Variants in COL3A1 observed in about 807,000 individuals in gnomAD.
COL3A1 encodes the protein collagen alpha-1(III) chain.
In COL3A1, 46 loss-of-function variants were observed where a neutral mutation model predicts 200.9. The ratio of observed to expected loss-of-function variants is 0.23; its 90% CI spans 0.18 to 0.29. The LOEUF (loss-of-function observed/expected upper bound fraction) is 0.29. Among genes scored for constraint, COL3A1 ranks in the 10% least tolerant of loss-of-function variants. COL3A1 has a pLI of 1.00. For missense variants in COL3A1, 1,367 were observed against 1,917.6 expected (o/e 0.71, Z 5.36); for synonymous variants, 650 against 628.0 (o/e 1.03, Z -0.52).
intron 27 of COL3A1, 58 bp downstream of exon 27, chr2:188,997,811 C>A (rs1053574177): frequency 3.5e-6 from 5 of 1,433,786 alleles, no homozygotes; most frequent in Non-Finnish European, 4.9e-6. Flanking sequence ...TTTTTGTGTC[C>A]CTAATAGATT....
chr2:188,985,497 A>G (rs1365483495), intron 3 of COL3A1, among the ~76,000 whole-genome samples, 168 bp from the exon 4 acceptor site: 1 of 152,034 alleles, frequency 6.6e-6, no homozygotes, highest in Non-Finnish European at 1.5e-5. Flanking sequence ...AAAGGAATAC[A>G]TTATACTTAA....
chr2:189,010,584 A>G, intron 49 of COL3A1, 64 bp from the exon 50 acceptor site: 3 of 1,605,824 alleles, frequency 1.9e-6, no homozygotes, highest in Non-Finnish European at 2.6e-6. Flanking sequence ...CACATACTAC[A>G]TGAATCCCTC....
rs1687762855 is a variant in COL3A1 at position 188,974,433 on chromosome 2, T to G, written c.-57T>G. 1 of 1,389,146 alleles carries G rather than the reference T, an allele frequency of 7.2e-7. No individual in the cohort carries two copies. The highest frequency in any genetic ancestry group is 2.3e-5 in the East Asian group (1 of 43,708). The allele number at this position is 1,389,146 out of a possible 1,614,324, so 86.1% of individuals were successfully genotyped here. A position where few individuals can be genotyped will look rare whatever the true frequency, so the allele number is the denominator to read the frequency against. The stretch of plus-strand genomic sequence containing the variant: ...AGGGAACAACTTGATGGTGCTACTT[T>G]GAACTGCTTTTCTTTTCTCCTTTTT... On this transcript the variant is annotated 5_prime_UTR_variant, in exon 1 of 51. An upstream open reading frame in the 5' UTR loses its in-frame stop. Coordinates refer to ENST00000304636, the MANE Select transcript of COL3A1 (RefSeq NM_000090.4).
chr2:189,009,333 T>C, intron 48 of COL3A1, 112 bp downstream of exon 48: 5 of 1,291,896 alleles, frequency 3.9e-6, no homozygotes, highest in Non-Finnish European at 5.5e-6. Context: ...AAATAGTACT[T>C]TAAGAAAGTT....
Position 188,996,442 on chromosome 2 carries a change from T to C in COL3A1, c.1707T>C (p.Ser569=), listed in dbSNP as rs141542949. 1.4e-5 allele frequency: 23 copies of C among 1,613,902 alleles called. No individual in the cohort carries two copies. The African/African-American group carries it at 3.1e-4, about 22-fold the overall frequency. The change falls in exon 24 of 51, where the codon TCT becomes TCC. Residue 569 remains serine, a synonymous_variant. Coordinates refer to ENST00000304636, the MANE Select transcript of COL3A1 (RefSeq NM_000090.4). ...ESGRPGPPGP[S]GPRGQPGVMG... ...GTCGACCAGGTCCTCCTGGGCCATC[T>C]GGTCCCCGAGGTCAGCCTGGTGTCA...
At chr2:189,000,068 C>T (rs1688422871) in intron 32 of COL3A1, among the ~76,000 whole-genome samples, 173 bp downstream of exon 32, 1 of 152,126 alleles carries the variant, frequency 6.6e-6, no homozygotes. Context: ...TCTATGGCTA[C>T]TTGATAGATC....
intron 21 of COL3A1, 87 bp downstream of exon 21, chr2:188,995,186 A>C (rs2153502495): frequency 7.9e-7 from 1 of 1,258,504 alleles, no homozygotes; most frequent in East Asian, 2.4e-5. Flanking sequence ...TGAAAACCTA[A>C]ATATCTGAAG....
chr2:188,974,580 C>A lies in COL3A1; in HGVS notation c.79+12C>A. ...GGCACAACAGGAAGGTGAGTAGGTACTGATTTCAAGAAACTTTATGGGATT... is the reference window on the plus strand; with the variant it reads ...GGCACAACAGGAAGGTGAGTAGGTAATGATTTCAAGAAACTTTATGGGATT... On this transcript the variant is annotated intron_variant, in intron 1 of 50. Coordinates refer to ENST00000304636, the MANE Select transcript of COL3A1 (RefSeq NM_000090.4). The A allele has an allele frequency of 6.2e-7, 1 of 1,610,092 alleles. No homozygotes were observed. The highest frequency in any genetic ancestry group is 1.1e-5 in the South Asian group (1 of 91,014).
intron 36 of COL3A1, 77 bp downstream of exon 36, chr2:189,003,139 C>T: frequency 8.7e-7 from 1 of 1,153,500 alleles, no homozygotes; most frequent in Non-Finnish European, 1.3e-6. Context: ...CTCTCCCTCT[C>T]TCTCTCCCTC....
intron 1 of COL3A1, among the ~76,000 whole-genome samples, chr2:188,983,843 G>C (rs1424986926): frequency 6.6e-6 from 1 of 151,884 alleles, no homozygotes; most frequent in East Asian, 1.9e-4. Context: ...TAATTGTCAA[G>C]AACTAAAGTT....
chr2:188,974,513 G>A lies in COL3A1; in HGVS notation c.24G>A (p.Gly8=), dbSNP rs754759981. 2 of 1,613,994 alleles carry A rather than the reference G, an allele frequency of 1.2e-6. No individual in the cohort carries two copies. Among genetic ancestry groups the A allele is most frequent in the Non-Finnish European group, 1.7e-6 (2 of 1,179,920 alleles). MMSFVQK[G]SWLLLALLHP... is the part of the protein sequence containing the mutation. ...ACATGATGAGCTTTGTGCAAAAGGGGAGCTGGCTACTTCTCGCTCTGCTTC... is the reference window on the plus strand; with the variant it reads ...ACATGATGAGCTTTGTGCAAAAGGGAAGCTGGCTACTTCTCGCTCTGCTTC... The change falls in exon 1 of 51, where the codon GGG becomes GGA. Residue 8 remains glycine, a synonymous_variant. Transcript: ENST00000304636.
In COL3A1 at chr2:188,994,346, T is replaced by C. The variant is rs1251456898; in HGVS notation, c.1293+14T>C. Reference sequence around the variant, plus strand: ...CGAGGTGGTGCAGTAAGTTGCCTTGTTTTTTCTCTGTTGACTGAAAGGTAT... The same window carrying C: ...CGAGGTGGTGCAGTAAGTTGCCTTGCTTTTTCTCTGTTGACTGAAAGGTAT... On this transcript the variant is annotated intron_variant, in intron 18 of 50. Coordinates refer to ENST00000304636, the MANE Select transcript of COL3A1 (RefSeq NM_000090.4). The surrounding 1 kb of genome is among the most constrained non-coding windows in gnomAD (Gnocchi z 4.5). The C allele has an allele frequency of 6.2e-7, 1 of 1,613,334 alleles. No homozygotes were observed. Among genetic ancestry groups the C allele is most frequent in the South Asian group, 1.1e-5 (1 of 91,044 alleles).
At position 189,002,933 on chromosome 2, in the gene COL3A1, T is replaced by C. The variant is rs149416812; in HGVS notation, c.2446-22T>C. 3.3e-4 allele frequency: 493 copies of C among 1,481,736 alleles called. 3 individuals are homozygous for C. The African/African-American group carries it at 5.9e-3, about 18-fold the overall frequency. 91.8% of individuals were successfully genotyped at this position (1,481,736 alleles called of 1,614,324 possible). The stretch of plus-strand genomic sequence containing the variant: ...ATCATAAAGAGTGTCAGCTGAGAGA[T>C]TGCTGTTGTTGTTGCATGTAGGGAC... On this transcript the variant is annotated intron_variant, in intron 35 of 50. Coordinates refer to ENST00000304636, the MANE Select transcript of COL3A1 (RefSeq NM_000090.4).
At chr2:188,993,671 T>A (rs1281416677) in intron 16 of COL3A1, among the ~76,000 whole-genome samples, 1 of 152,224 alleles carries the variant, frequency 6.6e-6, no homozygotes, top group Non-Finnish European at 1.5e-5. Context: ...ACTGTTGCAC[T>A]ATTCCAGAAT....
chr2:189,007,856 A>G (rs1482122145), intron 45 of COL3A1, 29 bp from the exon 46 acceptor site: 1 of 1,612,918 alleles, frequency 6.2e-7, no homozygotes, highest in Non-Finnish European at 8.5e-7. Context: ...TAAGGCCTTC[A>G]CTCCTATGTA....
At chr2:189,005,741 A>C in intron 41 of COL3A1, 2 of 353,180 alleles carry the variant, frequency 5.7e-6, no homozygotes, top group South Asian at 6.3e-5. Context: ...TTCTGAGTGA[A>C]AATATTCTAC....
At position 188,994,494 on chromosome 2, in the gene COL3A1, T is replaced by TA; in HGVS notation, c.1294-46dup. 1.1e-5 allele frequency: 17 copies of TA among 1,600,186 alleles called. No homozygotes were observed. The highest frequency in any genetic ancestry group is 1.5e-5 in the Non-Finnish European group (17 of 1,167,386). On this transcript the variant is annotated intron_variant, in intron 18 of 50. Coordinates refer to ENST00000304636, the MANE Select transcript of COL3A1 (RefSeq NM_000090.4). The surrounding 1 kb of genome is among the most constrained non-coding windows in gnomAD (Gnocchi z 4.5). ...TTATGTGTTACTGGTGATGATTTGTTAGTCGAATCCTCCCTGTGTTTCAAC... is the reference window on the plus strand; with the variant it reads ...TTATGTGTTACTGGTGATGATTTGTTAAGTCGAATCCTCCCTGTGTTTCAAC...
At chr2:188,985,148 A>G in intron 2 of COL3A1, 49 bp from the exon 3 acceptor site, 1 of 1,564,126 alleles carries the variant, frequency 6.4e-7, no homozygotes, top group Non-Finnish European at 8.8e-7. Context: ...TTACTAAATA[A>G]TATGCAAATT....
chr2:189,008,895 C>G, intron 47 of COL3A1, 29 bp from the exon 48 acceptor site: 2 of 1,609,910 alleles, frequency 1.2e-6, no homozygotes, highest in Non-Finnish European at 1.7e-6. Context: ...ATGTGCATAC[C>G]TCAATGATCC....
Sources: gnomAD v4.1 joint callset for allele counts (sites outside exome capture counted in the v4.1 genomes callset) on GRCh38, gnomAD v4.1.1 for gene constraint, Gnocchi (gnomAD v3.1) non-coding constraint, MANE v1.5 for transcripts, NCBI Gene and HGNC (gene_info 2026-07-23, HGNC 2026-07-21) for gene names.